The following NCAM1 variants were observed in gnomAD, a reference collection of about 807,000 sequenced individuals.
The protein encoded by NCAM1 is antigen recognized by monoclonal antibody 5.1H11.
A neutral mutation model predicts 109.8 loss-of-function variants in NCAM1; 14 were observed. The ratio of observed to expected loss-of-function variants is 0.13; its 90% CI spans 0.08 to 0.20. The LOEUF (loss-of-function observed/expected upper bound fraction) is 0.20, where lower values mean the gene tolerates loss of function less well. NCAM1 is among the 10% of genes least tolerant of loss of function. The pLI is 1.00. For synonymous variants in NCAM1, 418 were observed against 442.9 expected (o/e 0.94, Z 0.70); for missense variants, 774 against 1,109.9 (o/e 0.70, Z 4.30).
rs868943718 is a variant in NCAM1, at chr11:113,104,208, G to C, written c.53-98171G>C. 1.4e-3 allele frequency among the ~76,000 whole-genome samples: 91 copies of C among 62,800 alleles called. 1 individual carries two copies. The highest frequency in any genetic ancestry group is 9.6e-3 in the Middle Eastern group (1 of 104). 41.2% of individuals were successfully genotyped at this position (62,800 alleles called of 152,430 possible). A position where few individuals can be genotyped will look rare whatever the true frequency, so the allele number is the denominator to read the frequency against. On this transcript the variant is annotated intron_variant, in intron 1 of 19. Transcript: ENST00000316851. ...AGAACAGGTGAAGAGGAGGTGGGGTGGGGGGGGGGGCGGGGTGGTGGTGGC... is the reference window on the plus strand; with the variant it reads ...AGAACAGGTGAAGAGGAGGTGGGGTCGGGGGGGGGGCGGGGTGGTGGTGGC...
chr11:113,206,813 T>C (rs1944253016), intron 5 of NCAM1, among the ~76,000 whole-genome samples: 1 of 152,228 alleles, frequency 6.6e-6, no homozygotes. Flanking sequence ...AATGGCACTC[T>C]TTGTTATAGC....
At position 112,961,516 on chromosome 11, in the gene NCAM1, C is replaced by CCTAG; in HGVS notation, c.-96_-93dup. Reference sequence around the variant, plus strand: ...ATACTCAGCCTGGCAATTGTCTGCCCCTAGGTCTGTCGCTCAGCCGCCGTC... The same window carrying CCTAG: ...ATACTCAGCCTGGCAATTGTCTGCCCCTAGCTAGGTCTGTCGCTCAGCCGCCGTC... On this transcript the variant is annotated 5_prime_UTR_variant, in exon 1 of 20. Transcript: ENST00000316851. The CCTAG allele has an allele frequency of 2.4e-6, 2 of 835,524 alleles. No homozygotes were observed. Among genetic ancestry groups the CCTAG allele is most frequent in the Non-Finnish European group, 4.3e-6 (2 of 468,864 alleles). The allele number at this position is 835,524 out of a possible 1,614,324, so 51.8% of individuals were successfully genotyped here.
rs190706878 is a variant in NCAM1, at chr11:113,173,918, T to C, written c.53-28461T>C. 6.0e-4 allele frequency among the ~76,000 whole-genome samples: 91 copies of C among 152,044 alleles called. No homozygotes were observed. In the Middle Eastern group the frequency reaches 0.01, roughly 17 times the overall value. On this transcript the variant is annotated intron_variant, in intron 1 of 19. Coordinates refer to ENST00000316851, the MANE Select transcript of NCAM1 (RefSeq NM_181351.5). ...TTGTTGTTGCTTCTAGCTAGCTCAA[T>C]GCCAGAGGCCACCTGTTCCAAATCA...
At chr11:113,114,944 T>C (rs1336769443) in intron 1 of NCAM1, among the ~76,000 whole-genome samples, 2 of 152,196 alleles carry the variant, frequency 1.3e-5, no homozygotes, top group Non-Finnish European at 2.9e-5. Flanking sequence ...TCTTACTCAA[T>C]TCTTGGGGGG....
At chr11:113,108,139 C>G (rs1383828488) in intron 1 of NCAM1, among the ~76,000 whole-genome samples, 1 of 152,154 alleles carries the variant, frequency 6.6e-6, no homozygotes, top group Non-Finnish European at 1.5e-5. Flanking sequence ...GAATTTGGCT[C>G]TGGCTTGAGG....
intron 5 of NCAM1, among the ~76,000 whole-genome samples, 159 bp downstream of exon 5, chr11:113,206,339 T>C (rs1425185763): frequency 1.1e-5 from 1 of 89,554 alleles, no homozygotes; most frequent in African/African-American, 5.2e-5. Context: ...TCTAGATTTC[T>C]TTTTTTTTTT....
At chr11:112,966,850 A>C (rs1373959317) in intron 1 of NCAM1, among the ~76,000 whole-genome samples, 1 of 152,226 alleles carries the variant, frequency 6.6e-6, no homozygotes, top group South Asian at 2.1e-4. Flanking sequence ...ACGGATTTTC[A>C]GTTGGGTAGA....
intron 1 of NCAM1, among the ~76,000 whole-genome samples, chr11:113,027,735 C>T (rs148855864): frequency 7.1e-4 from 108 of 152,302 alleles, no homozygotes; most frequent in African/African-American, 2.5e-3. Flanking sequence ...TAACGAAAGA[C>T]CTGATTCATA....
chr11:113,243,334 C>A (rs1414390351), intron 14 of NCAM1, among the ~76,000 whole-genome samples: 3 of 152,162 alleles, frequency 2.0e-5, no homozygotes, highest in African/African-American at 7.2e-5. Flanking sequence ...TTCCTGACAG[C>A]ATGCCCGGCT....
chr11:113,230,223 C>T (rs1476989771), intron 9 of NCAM1, among the ~76,000 whole-genome samples: 1 of 152,204 alleles, frequency 6.6e-6, no homozygotes, highest in African/African-American at 2.4e-5. Context: ...TGTCATCTCT[C>T]ATTAATGTGT....
At chr11:113,100,874 C>A (rs1555091391) in intron 1 of NCAM1, among the ~76,000 whole-genome samples, 1 of 152,100 alleles carries the variant, frequency 6.6e-6, no homozygotes, top group African/African-American at 2.4e-5. Context: ...CCTCTTCTGC[C>A]CAATATTTCT....
chr11:113,232,774 C>A lies in NCAM1; in HGVS notation c.1482C>A (p.Arg494=). The change falls in exon 12 of 20, where the codon CGC becomes CGA. Residue 494 remains arginine (R), a synonymous_variant. Coordinates refer to ENST00000316851, the MANE Select transcript of NCAM1 (RefSeq NM_181351.5). ...ACTACAACTGTACTGCAGTGAACCGCATTGGGCAGGAGTCCTTGGAATTCA... is the reference window on the plus strand; with the variant it reads ...ACTACAACTGTACTGCAGTGAACCGAATTGGGCAGGAGTCCTTGGAATTCA... ...FGNYNCTAVN[R]IGQESLEFIL... 6.2e-7 allele frequency: 1 copy of A among 1,613,966 alleles called. No homozygotes were observed. The highest frequency in any genetic ancestry group is 8.5e-7 in the Non-Finnish European group (1 of 1,179,874).
chr11:112,965,856 G>A (rs1023022636), intron 1 of NCAM1, among the ~76,000 whole-genome samples: 7 of 152,078 alleles, frequency 4.6e-5, no homozygotes, highest in South Asian at 4.2e-4. Flanking sequence ...GCTAAAGAAC[G>A]GGTTGCACTT....
At chr11:113,108,781 GT>G (rs200125250) in intron 1 of NCAM1, among the ~76,000 whole-genome samples, 9,883 of 139,412 alleles carry the variant, frequency 0.071, 578 homozygotes, top group Admixed American at 0.17. Flanking sequence ...GTTTTTTTTT[GT>G]TTTTTTTTTT....
intron 1 of NCAM1, among the ~76,000 whole-genome samples, chr11:113,130,469 A>G (rs1317664603): frequency 5.9e-5 from 9 of 152,202 alleles, no homozygotes; most frequent in African/African-American, 2.2e-4. Flanking sequence ...AGGGAAACAA[A>G]TCAAACAACT....
At chr11:113,034,509 C>T (rs1555078831) in intron 1 of NCAM1, among the ~76,000 whole-genome samples, 2 of 152,160 alleles carry the variant, frequency 1.3e-5, no homozygotes, top group African/African-American at 4.8e-5. Flanking sequence ...TTCATCTGTA[C>T]ATATGAATTG....
intron 14 of NCAM1, among the ~76,000 whole-genome samples, chr11:113,241,227 T>G (rs1408299853): frequency 6.6e-6 from 1 of 152,234 alleles, no homozygotes; most frequent in Non-Finnish European, 1.5e-5. Context: ...GAGTGTTTTG[T>G]TTTTACCCTT....
intron 1 of NCAM1, among the ~76,000 whole-genome samples, chr11:113,003,499 C>T (rs1044311047): frequency 6.6e-6 from 1 of 152,086 alleles, no homozygotes; most frequent in Non-Finnish European, 1.5e-5. Context: ...TGTTAAGGTA[C>T]CCTGACTTTG....
chr11:113,093,482 G>A lies in NCAM1; in HGVS notation c.53-108897G>A, dbSNP rs147611935. On this transcript the variant is annotated intron_variant, in intron 1 of 19. Transcript: ENST00000316851. ...ACATCCTGGTCTTCCTCCTTCCTCCGGCCCCACAACTCTCATTCAGCTGTG... is the reference window on the plus strand; with the variant it reads ...ACATCCTGGTCTTCCTCCTTCCTCCAGCCCCACAACTCTCATTCAGCTGTG... Among the ~76,000 whole-genome samples, 409 of 151,868 alleles carry A rather than the reference G, an allele frequency of 2.7e-3. 2 individuals are homozygous for A. Among genetic ancestry groups the A allele is most frequent in the Middle Eastern group, 0.01 (3 of 294 alleles).
Sources: gnomAD v4.1 joint callset for allele counts (sites outside exome capture counted in the v4.1 genomes callset) on GRCh38, gnomAD v4.1.1 for gene constraint, MANE v1.5 for transcripts, NCBI Gene and HGNC (gene_info 2026-07-23, HGNC 2026-07-21) for gene names.